ACP7: variants seen among roughly 807,000 people sequenced by gnomAD.
ACP7 encodes acid phosphatase type 7.
A neutral mutation model predicts 60.6 loss-of-function variants in ACP7; 58 were observed. The observed-to-expected ratio is 0.96, with a 90% CI of 0.77 to 1.19. ACP7 has a LOEUF of 1.19. ACP7 is among the 50% of genes most tolerant of loss of function. The probability of loss-of-function intolerance (pLI) is 0.00; values close to 1 mark genes in which losing one functional copy is unlikely to be tolerated. For missense variants in ACP7, 574 were observed against 596.2 expected (o/e 0.96, Z 0.39); for synonymous variants, 237 against 232.6 (o/e 1.02, Z -0.17).
intron 7 of ACP7, 41 bp from the exon 8 acceptor site, chr19:39,100,908 C>G (rs1194269288): frequency 6.2e-7 from 1 of 1,608,020 alleles, no homozygotes; most frequent in South Asian, 1.1e-5. Flanking sequence ...TCCCCCTCCA[C>G]CCCTGACTCC....
intron 11 of ACP7, among the ~76,000 whole-genome samples, chr19:39,102,998 C>G (rs2073372621): frequency 6.6e-6 from 1 of 151,722 alleles, no homozygotes; most frequent in Admixed American, 6.6e-5. Flanking sequence ...CCCCCATGCC[C>G]GGTTAAGTTT....
intron 2 of ACP7, among the ~76,000 whole-genome samples, chr19:39,087,882 C>T (rs923322017): frequency 1.3e-5 from 2 of 152,032 alleles, no homozygotes; most frequent in African/African-American, 4.8e-5. Context: ...GATCCACCCA[C>T]CTCTGCCTCC....
chr19:39,103,303 G>A (rs373566050), intron 11 of ACP7, among the ~76,000 whole-genome samples: 6 of 152,186 alleles, frequency 3.9e-5, no homozygotes, highest in African/African-American at 1.2e-4. Context: ...TTTACTCTGC[G>A]GGTTATTATC....
chr19:39,085,695 G>A (rs547031609), intron 2 of ACP7, among the ~76,000 whole-genome samples: 11 of 152,294 alleles, frequency 7.2e-5, no homozygotes, highest in South Asian at 4.1e-4. Flanking sequence ...GTTCATGCAC[G>A]GTAGGCCTCA....
chr19:39,102,196 G>T (rs988207701), intron 11 of ACP7, among the ~76,000 whole-genome samples: 13 of 150,916 alleles, frequency 8.6e-5, no homozygotes, highest in Non-Finnish European at 1.6e-4. Context: ...GCTCATTCCT[G>T]TAATCCCAGT....
chr19:39,094,065 T>C (rs1401247530), intron 2 of ACP7, among the ~76,000 whole-genome samples: 2 of 152,170 alleles, frequency 1.3e-5, no homozygotes, highest in Non-Finnish European at 2.9e-5. Flanking sequence ...GAGGAAGAAC[T>C]CTTAACATTA....
At chr19:39,102,768 T>TTTCTTTC (rs202133727) in intron 11 of ACP7, among the ~76,000 whole-genome samples, 2 of 57,024 alleles carry the variant, frequency 3.5e-5, no homozygotes, top group East Asian at 1.1e-3. Flanking sequence ...TCTTTCTTTC[T>TTTCTTTC]CTCTCTCTCT....
chr19:39,086,773 A>G (rs936438855), intron 2 of ACP7, among the ~76,000 whole-genome samples: 40 of 152,294 alleles, frequency 2.6e-4, no homozygotes, highest in African/African-American at 9.4e-4. Flanking sequence ...ATGGAGAACT[A>G]AAATTTATGG....
chr19:39,089,812 T>C (rs1298116113), intron 2 of ACP7, among the ~76,000 whole-genome samples: 1 of 152,262 alleles, frequency 6.6e-6, no homozygotes, highest in Non-Finnish European at 1.5e-5. Flanking sequence ...ATCATAGATA[T>C]GATGTTGTGC....
At chr19:39,097,335 C>G (rs774918) in intron 2 of ACP7, among the ~76,000 whole-genome samples, 29,386 of 149,836 alleles carry the variant, frequency 0.2, 2,892 homozygotes, top group East Asian at 0.29. Context: ...ACCATCTCAC[C>G]GAGGTTGCAG....
chr19:39,097,462 G>C (rs2073279874), intron 2 of ACP7, among the ~76,000 whole-genome samples: 1 of 151,898 alleles, frequency 6.6e-6, no homozygotes, highest in African/African-American at 2.4e-5. Context: ...TACTTGGGAG[G>C]CTGAGGCAGG....
At position 39,099,029 on chromosome 19, in the gene ACP7, A is replaced by G; in HGVS notation, c.392A>G (p.His131Arg). 1 of 1,613,502 alleles carries G rather than the reference A, an allele frequency of 6.2e-7. No homozygotes were observed. Among genetic ancestry groups the G allele is most frequent in the East Asian group, 2.2e-5 (1 of 44,816 alleles). The change falls in exon 4 of 13, where the codon CAC becomes CGC. Residue 131 changes from histidine to arginine, a missense_variant. Coordinates refer to ENST00000331256, the MANE Select transcript of ACP7 (RefSeq NM_001004318.3). Reference protein sequence around the residue: ...FRFRALKNGAHWSPRLAVFGD... With the variant: ...FRFRALKNGARWSPRLAVFGD... ...TTCAGGGCCCTCAAGAATGGGGCCCACTGGAGTCCCCGTCTGGCTGTGTTT... is the reference window on the plus strand; with the variant it reads ...TTCAGGGCCCTCAAGAATGGGGCCCGCTGGAGTCCCCGTCTGGCTGTGTTT...
chr19:39,108,593 A>G (rs1287243617), intron 12 of ACP7, among the ~76,000 whole-genome samples: 1 of 152,088 alleles, frequency 6.6e-6, no homozygotes, highest in Non-Finnish European at 1.5e-5. Flanking sequence ...GGTATTTACC[A>G]TTGTGAGGCA....
rs1338157946 is a variant in ACP7, at chr19:39,110,909, A to G, written c.*791A>G. The G allele has an allele frequency of 6.6e-6, 1 of 152,240 alleles. No homozygotes were observed. The highest frequency in any genetic ancestry group is 2.4e-5 in the African/African-American group (1 of 41,448). The allele number at this position is 152,240 out of a possible 1,614,324, so 9.4% of individuals were successfully genotyped here. The stretch of plus-strand genomic sequence containing the variant: ...ATGAGACAGAGATCTCGGCCCTCAC[A>G]GAGCTGACATCCTAACCAGAGAGTT... On this transcript the variant is annotated 3_prime_UTR_variant, in exon 13 of 13. Coordinates refer to ENST00000331256, the MANE Select transcript of ACP7 (RefSeq NM_001004318.3).
chr19:39,101,031 A>G lies in ACP7; in HGVS notation c.890A>G (p.Asp297Gly). 6.2e-7 allele frequency: 1 copy of G among 1,613,980 alleles called. No individual in the cohort carries two copies. Among genetic ancestry groups the G allele is most frequent in the African/African-American group, 1.3e-5 (1 of 75,016 alleles). ...RPMYCSNADL[D>G]DCTRHESKVR... ...ATGTACTGCTCCAACGCAGATCTGG[A>G]CGACTGCACACGACATGAAAGCAAG... The change falls in exon 8 of 13, where the codon GAC becomes GGC. Residue 297 changes from aspartate to glycine, a missense_variant. Asp to Gly is a moderately conservative substitution (Grantham distance 94). Coordinates refer to ENST00000331256, the MANE Select transcript of ACP7 (RefSeq NM_001004318.3).
chr19:39,099,992 C>CAA (rs35619428), intron 4 of ACP7, among the ~76,000 whole-genome samples: 739 of 72,334 alleles, frequency 0.01, 9 homozygotes, highest in African/African-American at 0.029. Context: ...GACTCTGTCT[C>CAA]AAAAAAAAAA....
rs2073297089 is a variant in ACP7, at chr19:39,098,532, C to A, written c.196C>A (p.Pro66Thr). Reference sequence around the variant, plus strand: ...CTCTGAAGTGCAATTCGGGTTGCAGCCGTCGGGGCCCCTGCCCCTCCGCGC... The same window carrying A: ...CTCTGAAGTGCAATTCGGGTTGCAGACGTCGGGGCCCCTGCCCCTCCGCGC... ...TRSEVQFGLQPSGPLPLRAQG... is the reference protein window; with the variant it reads ...TRSEVQFGLQTSGPLPLRAQG... Residue 66 changes from proline (P) to threonine (T), a missense_variant, in exon 3 of 13, where the codon CCG becomes ACG. Transcript: ENST00000331256. The A allele has an allele frequency of 1.2e-6, 2 of 1,611,290 alleles. No individual in the cohort carries two copies. Among genetic ancestry groups the A allele is most frequent in the Non-Finnish European group, 1.7e-6 (2 of 1,179,086 alleles).
At chr19:39,092,277 G>C (rs1303492848) in intron 2 of ACP7, among the ~76,000 whole-genome samples, 3 of 152,136 alleles carry the variant, frequency 2.0e-5, no homozygotes, top group African/African-American at 7.2e-5. Context: ...TGGAGGCTGA[G>C]GCAGAAGAAT....
At chr19:39,100,174 G>C in intron 4 of ACP7, 53 bp from the exon 5 acceptor site, 1 of 1,602,190 alleles carries the variant, frequency 6.2e-7, no homozygotes, top group Non-Finnish European at 8.5e-7. Context: ...CTCAATTCCA[G>C]TGAAAGCAGA....
Sources: allele counts gnomAD v4.1 joint callset (sites outside exome capture counted in the v4.1 genomes callset), GRCh38; gene constraint gnomAD v4.1.1; transcripts MANE v1.5; gene names NCBI Gene and HGNC (gene_info 2026-07-23, HGNC 2026-07-21).